Variants in FNDC3B observed in about 807,000 individuals in gnomAD.
FNDC3B encodes fibronectin type III domain-containing protein 3B.
Under a neutral mutation model 151.5 loss-of-function variants are expected in FNDC3B, and 12 were observed. The ratio of observed to expected loss-of-function variants is 0.08; its 90% confidence interval spans 0.05 to 0.13. The LOEUF (loss-of-function observed/expected upper bound fraction) is 0.13. Among genes scored for constraint, FNDC3B ranks in the 10% least tolerant of loss-of-function variants. FNDC3B has a pLI of 1.00. For missense variants in FNDC3B, 1,214 were observed against 1,505.3 expected, an observed-to-expected ratio of 0.81 and a Z score of 3.20; for synonymous variants, 528 against 549.0, an observed-to-expected ratio of 0.96 and a Z score of 0.54.
intron 3 of FNDC3B, among the ~76,000 whole-genome samples, chr3:172,151,365 A>G (rs1224538717): frequency 6.6e-6 from 1 of 152,210 alleles, no homozygotes; most frequent in East Asian, 1.9e-4. Context: ...TAAAAACTAC[A>G]TAACCCAGTT....
intron 3 of FNDC3B, among the ~76,000 whole-genome samples, chr3:172,150,725 T>C (rs953919287): frequency 5.3e-5 from 8 of 152,164 alleles, no homozygotes; most frequent in African/African-American, 1.9e-4. Flanking sequence ...CTTATAATTT[T>C]TTATTTAAAA....
intron 3 of FNDC3B, among the ~76,000 whole-genome samples, chr3:172,175,612 T>G (rs1259792550): frequency 6.6e-6 from 1 of 152,192 alleles, no homozygotes; most frequent in African/African-American, 2.4e-5. Flanking sequence ...TGAATATTCT[T>G]AGAGATACGA....
At chr3:172,262,591 A>ATT (rs150307373) in intron 6 of FNDC3B, among the ~76,000 whole-genome samples, 4 of 149,712 alleles carry the variant, frequency 2.7e-5, no homozygotes, top group African/African-American at 9.8e-5. Flanking sequence ...GAAATTGAGA[A>ATT]TTTTTTTTTT....
intron 11 of FNDC3B, among the ~76,000 whole-genome samples, chr3:172,314,821 G>T (rs1385755740): frequency 6.6e-6 from 1 of 152,216 alleles, no homozygotes; most frequent in African/African-American, 2.4e-5. Context: ...ACAAGGGCAG[G>T]TGGAACCCTA....
At chr3:172,180,478 T>G (rs1227959127) in intron 3 of FNDC3B, among the ~76,000 whole-genome samples, 2 of 152,228 alleles carry the variant, frequency 1.3e-5, no homozygotes, top group East Asian at 3.8e-4. Context: ...TAAATGAAAC[T>G]TCTCAGGATA....
intron 4 of FNDC3B, among the ~76,000 whole-genome samples, chr3:172,229,084 A>AACACACACACACAC (rs760446690): frequency 2.7e-4 from 32 of 117,858 alleles, no homozygotes; most frequent in African/African-American, 6.8e-4. Context: ...GAAAGAAAGA[A>AACACACACACACAC]ACACACACAC....
At position 172,347,289 on chromosome 3, in the gene FNDC3B, T is replaced by G; in HGVS notation, c.2442T>G (p.Ile814Met). 6.2e-7 allele frequency: 1 copy of G among 1,614,058 alleles called. No individual in the cohort carries two copies. The highest frequency in any genetic ancestry group is 8.5e-7 in the Non-Finnish European group (1 of 1,179,948). Residue 814 changes from isoleucine to methionine, a missense_variant, in exon 21 of 26, where the codon ATT becomes ATG. Around this residue, in one of 7 missense-constraint regions of FNDC3B, gnomAD observed 380 missense variants for 420.9 expected, o/e 0.90. Coordinates refer to ENST00000415807, the MANE Select transcript of FNDC3B (RefSeq NM_022763.4). ...AAGATGAAGAATCCTTAGAACTCAT[T>G]TATCATGGGACAGACACCCGTTTTG... ...WGEDEESLELIYHGTDTRFEI... is the reference protein window; with the variant it reads ...WGEDEESLELMYHGTDTRFEI...
At chr3:172,133,855 TAC>T (rs1721232964) in intron 3 of FNDC3B, among the ~76,000 whole-genome samples, 1 of 152,208 alleles carries the variant, frequency 6.6e-6, no homozygotes, top group Non-Finnish European at 1.5e-5. Context: ...GGAAGTTTTC[TAC>T]AGTTAGTTGT....
intron 25 of FNDC3B, among the ~76,000 whole-genome samples, chr3:172,385,749 G>A (rs928196654): frequency 2.6e-5 from 4 of 151,856 alleles, no homozygotes; most frequent in South Asian, 2.1e-4. Flanking sequence ...TAATAGAGAC[G>A]GGGTTTCACT....
chr3:172,311,890 A>G (rs1201709633), intron 11 of FNDC3B, among the ~76,000 whole-genome samples: 5 of 151,856 alleles, frequency 3.3e-5, no homozygotes, highest in Non-Finnish European at 1.5e-5. Context: ...AAAGAAAAAA[A>G]AAAAAAAGCA....
At chr3:172,312,255 C>G (rs1435889732) in intron 11 of FNDC3B, among the ~76,000 whole-genome samples, 1 of 152,182 alleles carries the variant, frequency 6.6e-6, no homozygotes, top group African/African-American at 2.4e-5. Context: ...CCAAGTTACC[C>G]AGAACAACCG....
chr3:172,371,444 A>T (rs1734878244), intron 23 of FNDC3B, among the ~76,000 whole-genome samples: 1 of 152,200 alleles, frequency 6.6e-6, no homozygotes, highest in Non-Finnish European at 1.5e-5. Context: ...TTGGTAAATC[A>T]CCAACATTAA....
At chr3:172,063,405 C>T (rs1370904507) in intron 1 of FNDC3B, among the ~76,000 whole-genome samples, 2 of 152,178 alleles carry the variant, frequency 1.3e-5, no homozygotes, top group African/African-American at 2.4e-5. Context: ...TCCACTGTGC[C>T]TGTTAAACTC....
intron 1 of FNDC3B, among the ~76,000 whole-genome samples, chr3:172,060,682 C>T (rs536522442): frequency 8.5e-5 from 13 of 152,192 alleles, no homozygotes; most frequent in South Asian, 4.1e-4. Context: ...AGGCAGAGAC[C>T]GACACTTTCC....
At chr3:172,215,329 C>T (rs1355517735) in intron 3 of FNDC3B, among the ~76,000 whole-genome samples, 1 of 152,206 alleles carries the variant, frequency 6.6e-6, no homozygotes, top group Non-Finnish European at 1.5e-5. Context: ...AGTGGGGGTA[C>T]ATGGAGGAAG....
chr3:172,401,464 A>G lies in FNDC3B; in HGVS notation c.*3989A>G, dbSNP rs886827599. ...ATACAGGCTGCCAGTTTAATCCTTTATCAGAGTCTCTGTGGATAATGTACC... is the reference window on the plus strand; with the variant it reads ...ATACAGGCTGCCAGTTTAATCCTTTGTCAGAGTCTCTGTGGATAATGTACC... On this transcript the variant is annotated 3_prime_UTR_variant, in exon 26 of 26. Transcript: ENST00000415807. 5 of 152,240 alleles carry G rather than the reference A, an allele frequency of 3.3e-5. No individual in the cohort carries two copies. Among genetic ancestry groups the G allele is most frequent in the Non-Finnish European group, 5.9e-5 (4 of 68,062 alleles). The allele number at this position is 152,240 out of a possible 1,614,324, so 9.4% of individuals were successfully genotyped here.
At chr3:172,145,412 C>A (rs962281715) in intron 3 of FNDC3B, among the ~76,000 whole-genome samples, 1 of 152,086 alleles carries the variant, frequency 6.6e-6, no homozygotes, top group Admixed American at 6.6e-5. Context: ...ATTGTGTTTC[C>A]TGTTTCGTTT....
intron 3 of FNDC3B, among the ~76,000 whole-genome samples, chr3:172,168,237 C>T (rs1026537201): frequency 1.3e-5 from 2 of 152,142 alleles, no homozygotes; most frequent in African/African-American, 2.4e-5. Context: ...TTGCCATATC[C>T]CAGCATGATT....
chr3:172,120,896 G>A (rs1434417293), intron 2 of FNDC3B, among the ~76,000 whole-genome samples: 5 of 151,930 alleles, frequency 3.3e-5, no homozygotes, highest in Non-Finnish European at 5.9e-5. Flanking sequence ...CCCAGGAGGC[G>A]GAGGTTGCAG....
Sources: allele counts gnomAD v4.1 joint callset (sites outside exome capture counted in the v4.1 genomes callset), GRCh38; gene constraint gnomAD v4.1.1; regional missense constraint gnomAD v4.1.1; transcripts MANE v1.5; gene names NCBI Gene and HGNC (gene_info 2026-07-23, HGNC 2026-07-21).